PITPNC1: variants seen among roughly 807,000 people sequenced by gnomAD.
The protein encoded by PITPNC1 is cytoplasmic phosphatidylinositol transfer protein 1.
A neutral mutation model predicts 44.7 loss-of-function variants in PITPNC1; 18 were observed. The ratio of observed to expected loss-of-function variants is 0.40; its 90% CI spans 0.28 to 0.60. The LOEUF (loss-of-function observed/expected upper bound fraction) is 0.60, where lower values mean the gene tolerates loss of function less well. Among genes scored for constraint, PITPNC1 ranks in the 20% least tolerant of loss-of-function variants. The pLI is 0.39. For synonymous variants in PITPNC1, 141 were observed against 149.6 expected, an observed-to-expected ratio of 0.94 and a Z score of 0.42; for missense variants, 290 against 418.4, an observed-to-expected ratio of 0.69 and a Z score of 2.68.
At chr17:67,395,702 C>T (rs961941809) in intron 1 of PITPNC1, among the ~76,000 whole-genome samples, 5 of 152,044 alleles carry the variant, frequency 3.3e-5, no homozygotes, top group Non-Finnish European at 4.4e-5. Context: ...ATAAAAGTGA[C>T]GCAGTGGATG....
intron 1 of PITPNC1, among the ~76,000 whole-genome samples, chr17:67,385,476 ACCCCTCCCCCCT>A (rs1018175367): frequency 1.4e-5 from 2 of 145,334 alleles, no homozygotes; most frequent in African/African-American, 2.5e-5. Context: ...ATGGCTGACC[ACCCCTCCCCCCT>A]CCCCTCCCCC....
chr17:67,641,576 C>A (rs919836009), intron 6 of PITPNC1, among the ~76,000 whole-genome samples: 2 of 152,014 alleles, frequency 1.3e-5, no homozygotes, highest in Non-Finnish European at 2.9e-5. Flanking sequence ...GCAGGCAGAT[C>A]GCTTAAGGTC....
chr17:67,467,938 T>C (rs1379904845), intron 1 of PITPNC1, among the ~76,000 whole-genome samples: 1 of 152,252 alleles, frequency 6.6e-6, no homozygotes, highest in Non-Finnish European at 1.5e-5. Flanking sequence ...TGTAATTGCA[T>C]GTCTTGTATT....
At chr17:67,608,083 T>TA (rs1287122573) in intron 5 of PITPNC1, among the ~76,000 whole-genome samples, 1 of 152,128 alleles carries the variant, frequency 6.6e-6, no homozygotes, top group Non-Finnish European at 1.5e-5. Flanking sequence ...GGCTTTCCCT[T>TA]ACGTAACCAT....
intron 1 of PITPNC1, among the ~76,000 whole-genome samples, chr17:67,394,887 C>T (rs974277215): frequency 6.6e-6 from 1 of 151,418 alleles, no homozygotes; most frequent in South Asian, 2.1e-4. Flanking sequence ...AGAGTGAGAC[C>T]CCGTCTCGAG....
chr17:67,522,016 C>T (rs1054882373), intron 1 of PITPNC1, among the ~76,000 whole-genome samples: 2 of 151,996 alleles, frequency 1.3e-5, no homozygotes, highest in South Asian at 4.1e-4. Flanking sequence ...TATTAAAGAC[C>T]TCTCGGGCTG....
intron 5 of PITPNC1, among the ~76,000 whole-genome samples, chr17:67,592,120 C>T (rs1014517606): frequency 6.6e-6 from 1 of 151,888 alleles, no homozygotes; most frequent in Non-Finnish European, 1.5e-5. Flanking sequence ...AACTGAAAAC[C>T]TAAGAGAATT....
chr17:67,500,642 A>T (rs2040013793), intron 1 of PITPNC1, among the ~76,000 whole-genome samples: 1 of 141,796 alleles, frequency 7.1e-6, no homozygotes. Context: ...TTTGAATTAT[A>T]TCTCAATTTT....
At chr17:67,467,927 A>G (rs2039451658) in intron 1 of PITPNC1, among the ~76,000 whole-genome samples, 1 of 152,198 alleles carries the variant, frequency 6.6e-6, no homozygotes, top group African/African-American at 2.4e-5. Flanking sequence ...GAGACTTACG[A>G]TGTAATTGCA....
intron 1 of PITPNC1, among the ~76,000 whole-genome samples, chr17:67,425,232 C>G (rs1272848471): frequency 4.9e-5 from 7 of 143,778 alleles, no homozygotes; most frequent in African/African-American, 1.6e-4. Flanking sequence ...CACACACACA[C>G]ACACACACAC....
rs145031448 is a variant in PITPNC1, at chr17:67,424,378, T to G, written c.48+46176T>G. 1.8e-3 allele frequency among the ~76,000 whole-genome samples: 278 copies of G among 152,174 alleles called. 1 individual carries two copies. The highest frequency in any genetic ancestry group is 3.1e-3 in the South Asian group (15 of 4,824). ...TGACCTTCAAGAAAACTGGGCTGGC[T>G]GGGCGCAGTGGCTCACTCCTGTAAT... On this transcript the variant is annotated intron_variant, in intron 1 of 8. Coordinates refer to ENST00000581322, the MANE Select transcript of PITPNC1 (RefSeq NM_012417.4).
At chr17:67,453,610 A>G (rs936541165) in intron 1 of PITPNC1, among the ~76,000 whole-genome samples, 1 of 152,218 alleles carries the variant, frequency 6.6e-6, no homozygotes, top group African/African-American at 2.4e-5. Context: ...TTGTGGGCCA[A>G]GAGAAAACAT....
At chr17:67,579,546 T>C (rs2144233763) in intron 5 of PITPNC1, among the ~76,000 whole-genome samples, 1 of 151,876 alleles carries the variant, frequency 6.6e-6, no homozygotes, top group Admixed American at 6.6e-5. Flanking sequence ...GCTGGCCAAA[T>C]TCATCAAAAC....
intron 6 of PITPNC1, among the ~76,000 whole-genome samples, chr17:67,643,612 G>A (rs2042114565): frequency 1.3e-5 from 2 of 152,198 alleles, no homozygotes; most frequent in African/African-American, 4.8e-5. Context: ...CTAATGTGGT[G>A]AGGGCCCTGG....
At chr17:67,533,493 G>C (rs535992192) in intron 2 of PITPNC1, among the ~76,000 whole-genome samples, 1 of 60,116 alleles carries the variant, frequency 1.7e-5, no homozygotes, top group South Asian at 6.9e-4. Context: ...CTGGCCAACA[G>C]AGTGAGGCCC....
chr17:67,643,083 T>G (rs1291863468), intron 6 of PITPNC1, among the ~76,000 whole-genome samples: 2 of 152,102 alleles, frequency 1.3e-5, no homozygotes, highest in Non-Finnish European at 2.9e-5. Context: ...ATTGTGGCAT[T>G]GTGGGTCATT....
intron 1 of PITPNC1, among the ~76,000 whole-genome samples, chr17:67,417,259 C>A (rs530675450): frequency 1.3e-5 from 2 of 152,150 alleles, no homozygotes; most frequent in African/African-American, 4.8e-5. Context: ...AGCCTAGTAG[C>A]TAGGACTACA....
chr17:67,595,554 C>A (rs934350198), intron 5 of PITPNC1, among the ~76,000 whole-genome samples: 15 of 147,288 alleles, frequency 1.0e-4, no homozygotes, highest in Middle Eastern at 3.6e-3. Context: ...GCAATTTCTG[C>A]CTTTTGATGC....
intron 8 of PITPNC1, among the ~76,000 whole-genome samples, chr17:67,677,735 A>AT (rs1241429118): frequency 1.3e-5 from 2 of 151,294 alleles, no homozygotes; most frequent in African/African-American, 2.4e-5. Flanking sequence ...CGCCCTGCTA[A>AT]TTTTTTTTGT....
Sources: gnomAD v4.1 joint callset for allele counts (sites outside exome capture counted in the v4.1 genomes callset) on GRCh38, gnomAD v4.1.1 for gene constraint, MANE v1.5 for transcripts, NCBI Gene and HGNC (gene_info 2026-07-23, HGNC 2026-07-21) for gene names.